The following IL7 variants were observed in gnomAD, a reference collection of about 807,000 sequenced individuals.
IL7 encodes the protein interleukin-7.
In IL7, 3 loss-of-function variants were observed where a neutral mutation model predicts 21.6. The observed-to-expected ratio is 0.14, with a 90% confidence interval of 0.06 to 0.36. The LOEUF (loss-of-function observed/expected upper bound fraction) is 0.36, where lower values mean the gene tolerates loss of function less well. IL7 is among the 10% of genes least tolerant of loss of function. The probability of loss-of-function intolerance (pLI) is 1.00; values close to 1 mark genes in which losing one functional copy is unlikely to be tolerated. For synonymous variants in IL7, 62 were observed against 68.1 expected (o/e 0.91, Z 0.44); for missense variants, 175 against 200.2 (o/e 0.87, Z 0.76).
At chr8:78,778,719 C>T (rs1051173171) in intron 2 of IL7, among the ~76,000 whole-genome samples, 1 of 152,050 alleles carries the variant, frequency 6.6e-6, no homozygotes, top group Non-Finnish European at 1.5e-5. Context: ...ATTGTCTTGA[C>T]AATACTGGCT....
At chr8:78,742,524 A>C (rs949899879) in intron 2 of IL7, among the ~76,000 whole-genome samples, 1 of 152,092 alleles carries the variant, frequency 6.6e-6, no homozygotes, top group Non-Finnish European at 1.5e-5. Context: ...TTATTTTTTA[A>C]TACTTTTGTC....
intron 2 of IL7, chr8:78,761,992 A>G (rs1586079724): frequency 6.2e-7 from 1 of 1,604,774 alleles, no homozygotes; most frequent in East Asian, 2.2e-5. Flanking sequence ...CTTGCCCTTC[A>G]CCCTCTTCTT....
intron 3 of IL7, among the ~76,000 whole-genome samples, chr8:78,691,772 A>G (rs370464192): frequency 4.6e-5 from 7 of 152,022 alleles, no homozygotes; most frequent in Non-Finnish European, 7.4e-5. Flanking sequence ...ACCCATATCT[A>G]TGGATATTTT....
chr8:78,805,103 A>T lies in IL7; in HGVS notation c.-181T>A. ...CGCGACTGCAGTTTCATCCATCCCAAGGGGGGCGGCACACACTACGGCGTG... is the reference window on the plus strand; with the variant it reads ...CGCGACTGCAGTTTCATCCATCCCATGGGGGGCGGCACACACTACGGCGTG... On this transcript the variant is annotated 5_prime_UTR_variant, in exon 1 of 6. In the 5' UTR this introduces an upstream ATG that the reference lacks. Coordinates refer to ENST00000263851, the MANE Select transcript of IL7 (RefSeq NM_000880.4). 1.7e-6 allele frequency: 1 copy of T among 601,870 alleles called. No individual in the cohort carries two copies. The highest frequency in any genetic ancestry group is 3.1e-5 in the East Asian group (1 of 31,814). 37.3% of individuals were successfully genotyped at this position (601,870 alleles called of 1,614,324 possible). A position where few individuals can be genotyped will look rare whatever the true frequency, so the allele number is the denominator to read the frequency against.
downstream of IL7, chr8:78,717,895 G>A (rs1448663388): frequency 6.4e-6 from 1 of 155,764 alleles, no homozygotes; most frequent in East Asian, 1.9e-4. Context: ...ATAAACATTT[G>A]TATTATTGGT....
chr8:78,767,591 T>A (rs1008517905), intron 2 of IL7, among the ~76,000 whole-genome samples: 2 of 152,064 alleles, frequency 1.3e-5, no homozygotes, highest in African/African-American at 2.4e-5. Flanking sequence ...AGTCCTCCCA[T>A]AACCACGCAC....
intron 3 of IL7, among the ~76,000 whole-genome samples, chr8:78,687,770 TTATATATATATTTAC>T (rs1810058880): frequency 1.5e-4 from 4 of 25,854 alleles, no homozygotes; most frequent in Non-Finnish European, 2.5e-4. Context: ...ACGTAAGACA[TTATATATATATTTAC>T]GTAATACATT....
chr8:78,764,036 T>G (rs1315766768), intron 2 of IL7, among the ~76,000 whole-genome samples: 1 of 152,192 alleles, frequency 6.6e-6, no homozygotes, highest in Non-Finnish European at 1.5e-5. Flanking sequence ...GCAAAGGTGT[T>G]TTAACATTGG....
At chr8:78,679,019 T>A (rs1173305006) in intron 4 of IL7, 2 of 158,178 alleles carry the variant, frequency 1.3e-5, no homozygotes, top group East Asian at 3.6e-4. Context: ...TAACTTAAGT[T>A]TTGATTCATT....
chr8:78,737,334 A>G (rs1811628189), intron 4 of IL7, among the ~76,000 whole-genome samples: 1 of 152,164 alleles, frequency 6.6e-6, no homozygotes, highest in Admixed American at 6.5e-5. Flanking sequence ...CATAAAACCT[A>G]TCTGCATTAG....
downstream of IL7, among the ~76,000 whole-genome samples, chr8:78,714,728 A>G (rs1811045992): frequency 6.6e-6 from 1 of 152,194 alleles, no homozygotes; most frequent in African/African-American, 2.4e-5. Context: ...AGGGAATATT[A>G]TATTAACTCA....
At chr8:78,678,323 A>G (rs1026383754) in intron 4 of IL7, among the ~76,000 whole-genome samples, 1 of 152,184 alleles carries the variant, frequency 6.6e-6, no homozygotes, top group East Asian at 1.9e-4. Context: ...ACTTAATGAC[A>G]TGTTAGAAGA....
intron 3 of IL7, among the ~76,000 whole-genome samples, chr8:78,693,000 T>C (rs1000949135): frequency 1.3e-5 from 2 of 152,014 alleles, no homozygotes; most frequent in Non-Finnish European, 2.9e-5. Flanking sequence ...TTTGTCCTTG[T>C]GATAGTTTGC....
Position 78,749,571 on chromosome 8 carries a change from G to A in IL7, c.148-9489C>T, listed in dbSNP as rs148295631. On this transcript the variant is annotated intron_variant, in intron 2 of 5. Coordinates refer to ENST00000263851, the MANE Select transcript of IL7 (RefSeq NM_000880.4). ...AAACCTCCATAGCAACCATTGTGGG[G>A]GTAGAAAAAATTAAACTGTAATTGG... Among the ~76,000 whole-genome samples the A allele has an allele frequency of 1.9e-3, 294 of 152,162 alleles. 1 individual carries two copies. The highest frequency in any genetic ancestry group is 6.8e-3 in the African/African-American group (282 of 41,510).
chr8:78,770,119 G>A (rs1371815347), intron 2 of IL7, among the ~76,000 whole-genome samples: 1 of 152,140 alleles, frequency 6.6e-6, no homozygotes, highest in African/African-American at 2.4e-5. Flanking sequence ...CAGGACATAG[G>A]CATGGGCAAG....
intron 2 of IL7, among the ~76,000 whole-genome samples, chr8:78,787,059 C>T (rs1162587099): frequency 6.6e-6 from 1 of 152,178 alleles, no homozygotes; most frequent in African/African-American, 2.4e-5. Flanking sequence ...ACCTGTTCTC[C>T]CATATCTTGC....
At chr8:78,721,667 T>G (rs1376280268) in intron 3 of IL7, among the ~76,000 whole-genome samples, 1 of 151,974 alleles carries the variant, frequency 6.6e-6, no homozygotes, top group East Asian at 1.9e-4. Context: ...AATCTTAAAT[T>G]ATAAAACTTA....
At chr8:78,770,746 T>A (rs1272845020) in intron 2 of IL7, among the ~76,000 whole-genome samples, 3 of 152,000 alleles carry the variant, frequency 2.0e-5, no homozygotes. Context: ...GAAGATAGTA[T>A]GTAGACAGAT....
At chr8:78,718,587 A>T (rs1205784002) in intron 6 of IL7, 2 of 151,872 alleles carry the variant, frequency 1.3e-5, no homozygotes, top group Non-Finnish European at 3.0e-5. Context: ...TTAGCATTTA[A>T]TGTTGAAACA....
Sources: gnomAD v4.1 joint callset for allele counts (sites outside exome capture counted in the v4.1 genomes callset) on GRCh38, gnomAD v4.1.1 for gene constraint, MANE v1.5 for transcripts, NCBI Gene and HGNC (gene_info 2026-07-23, HGNC 2026-07-21) for gene names.